The following ATAD5 variants were observed in gnomAD, a reference collection of about 807,000 sequenced individuals.
ATAD5 encodes the protein ATPase family AAA domain containing 5, also known as ATPase family AAA domain-containing protein 5.
In ATAD5, 58 loss-of-function variants were observed where a neutral mutation model predicts 176.9. The observed-to-expected ratio is 0.33, with a 90% CI of 0.27 to 0.41. The LOEUF is 0.41. ATAD5 is among the 10% of genes least tolerant of loss of function. ATAD5 has a pLI of 1.00. For missense variants in ATAD5, 1,789 were observed against 2,094.1 expected, an observed-to-expected ratio of 0.85 and a Z score of 2.84; for synonymous variants, 640 against 712.6, an observed-to-expected ratio of 0.90 and a Z score of 1.62.
intron 9 of ATAD5, among the ~76,000 whole-genome samples, chr17:30,859,548 A>G (rs1257881308): frequency 6.6e-6 from 1 of 151,642 alleles, no homozygotes; most frequent in Non-Finnish European, 1.5e-5. Flanking sequence ...TTTAGTAGAG[A>G]TGGGGTTTCA....
chr17:30,837,332 G>C lies in ATAD5; in HGVS notation c.2076+18G>C. The stretch of plus-strand genomic sequence containing the variant: ...TTAGAAAGGTAATTAAAATATTAGA[G>C]AGTCCTATAAGTGCCATTCTGTTTC... On this transcript the variant is annotated intron_variant, in intron 3 of 22. Coordinates refer to ENST00000321990, the MANE Select transcript of ATAD5 (RefSeq NM_024857.5). 1 of 1,472,044 alleles carries C rather than the reference G, an allele frequency of 6.8e-7. No homozygotes were observed. Among genetic ancestry groups the C allele is most frequent in the Non-Finnish European group, 9.3e-7 (1 of 1,079,640 alleles). The allele number at this position is 1,472,044 out of a possible 1,614,324, so 91.2% of individuals were successfully genotyped here. A position where few individuals can be genotyped will look rare whatever the true frequency, so the allele number is the denominator to read the frequency against.
chr17:30,882,740 T>C (rs544195191), intron 18 of ATAD5, among the ~76,000 whole-genome samples: 17 of 152,358 alleles, frequency 1.1e-4, no homozygotes, highest in South Asian at 6.2e-4. Context: ...AATGAAGCTA[T>C]TGAGCTTTTA....
At chr17:30,844,364 C>T (rs1906339606) in intron 5 of ATAD5, among the ~76,000 whole-genome samples, 1 of 152,142 alleles carries the variant, frequency 6.6e-6, no homozygotes, top group East Asian at 1.9e-4. Flanking sequence ...AACTCCTGAC[C>T]TTGTGATCTG....
intron 17 of ATAD5, among the ~76,000 whole-genome samples, chr17:30,878,344 C>T (rs1479928295): frequency 2.0e-5 from 3 of 151,978 alleles, no homozygotes; most frequent in Admixed American, 1.3e-4. Context: ...CCTTATCATA[C>T]CTATAATCAG....
intron 11 of ATAD5, among the ~76,000 whole-genome samples, chr17:30,866,858 G>C (rs1908019897): frequency 6.6e-6 from 1 of 152,036 alleles, no homozygotes; most frequent in Middle Eastern, 3.2e-3. Context: ...AAATGATTAT[G>C]GGTGTACTGC....
intron 18 of ATAD5, among the ~76,000 whole-genome samples, chr17:30,885,207 G>T (rs1017292702): frequency 1.2e-4 from 18 of 152,110 alleles, no homozygotes; most frequent in African/African-American, 4.1e-4. Flanking sequence ...ATTAGAAACA[G>T]GGTCTCTCTG....
intron 6 of ATAD5, among the ~76,000 whole-genome samples, chr17:30,847,472 A>G (rs2142335263): frequency 6.6e-6 from 1 of 151,916 alleles, no homozygotes; most frequent in African/African-American, 2.4e-5. Context: ...CTGGGATTAC[A>G]GGCATCCGCC....
chr17:30,839,987 T>G (rs925600283), intron 3 of ATAD5, among the ~76,000 whole-genome samples: 6 of 151,916 alleles, frequency 3.9e-5, no homozygotes, highest in Non-Finnish European at 7.4e-5. Flanking sequence ...TCACCTGAGG[T>G]CAGGAGTTTG....
intron 6 of ATAD5, 142 bp from the exon 7 acceptor site, chr17:30,855,001 C>T (rs571598061): frequency 3.2e-5 from 23 of 711,890 alleles, no homozygotes; most frequent in Admixed American, 7.0e-5. Flanking sequence ...TTAAGTGATC[C>T]GCCCACCTCT....
In ATAD5 at chr17:30,893,903, G is replaced by A; in HGVS notation, c.5050G>A (p.Val1684Ile). Residue 1684 changes from valine to isoleucine, a missense_variant, in exon 21 of 23, where the codon GTT (valine) becomes ATT (isoleucine). Physicochemically the swap from Val to Ile is conservative, Grantham distance 29 (BLOSUM62 3). Coordinates refer to ENST00000321990, the MANE Select transcript of ATAD5 (RefSeq NM_024857.5). ...RNDFSWTNGK[V>I]TSGLCDEFSL... ...TGACTTTAGTTGGACAAATGGAAAG[G>A]TTACAAGTGGACTTTGTGATGAGTT... 3.7e-6 allele frequency: 6 copies of A among 1,614,032 alleles called. No homozygotes were observed. The highest frequency in any genetic ancestry group is 5.1e-6 in the Non-Finnish European group (6 of 1,179,940).
At chr17:30,848,972 G>A (rs1906703922) in intron 6 of ATAD5, among the ~76,000 whole-genome samples, 1 of 152,162 alleles carries the variant, frequency 6.6e-6, no homozygotes, top group South Asian at 2.1e-4. Flanking sequence ...CCGGGTTCAA[G>A]TGATTCTTGT....
At chr17:30,892,327 A>G (rs1346851980) in intron 19 of ATAD5, among the ~76,000 whole-genome samples, 2 of 151,550 alleles carry the variant, frequency 1.3e-5, no homozygotes, top group African/African-American at 4.8e-5. Context: ...CGGGAGGCTG[A>G]GGCAGGAAAA....
intron 4 of ATAD5, among the ~76,000 whole-genome samples, chr17:30,841,573 G>A (rs762866844): frequency 1.1e-4 from 17 of 151,918 alleles, no homozygotes; most frequent in African/African-American, 1.9e-4. Flanking sequence ...ATCCATTACC[G>A]TAGTCAATTT....
At chr17:30,842,805 G>A (rs1212265297) in intron 4 of ATAD5, among the ~76,000 whole-genome samples, 8 of 152,048 alleles carry the variant, frequency 5.3e-5, no homozygotes, top group Admixed American at 3.9e-4. Context: ...AGTTAATGGC[G>A]CGATCTCAGC....
chr17:30,875,625 A>G (rs188231829), intron 14 of ATAD5, among the ~76,000 whole-genome samples: 2 of 151,898 alleles, frequency 1.3e-5, no homozygotes, highest in Non-Finnish European at 2.9e-5. Context: ...GGCAAAACCC[A>G]TCTCTACTAA....
At chr17:30,861,752 T>A (rs903085395) in intron 10 of ATAD5, 1 of 151,940 alleles carries the variant, frequency 6.6e-6, no homozygotes, top group South Asian at 2.1e-4. Context: ...CCTCAAATGA[T>A]CTGCCCACTT....
intron 6 of ATAD5, among the ~76,000 whole-genome samples, chr17:30,845,786 A>G (rs1906459960): frequency 6.6e-6 from 1 of 152,164 alleles, no homozygotes; most frequent in Non-Finnish European, 1.5e-5. Context: ...TTGTGAGATG[A>G]TGGAGGTAAG....
At chr17:30,888,541 C>G (rs1309340065) in intron 19 of ATAD5, among the ~76,000 whole-genome samples, 1 of 151,750 alleles carries the variant, frequency 6.6e-6, no homozygotes, top group East Asian at 1.9e-4. Context: ...GAGACTCTGA[C>G]TAAAAAAAAA....
intron 14 of ATAD5, among the ~76,000 whole-genome samples, chr17:30,872,840 G>A (rs1461225985): frequency 6.6e-6 from 1 of 152,146 alleles, no homozygotes; most frequent in Non-Finnish European, 1.5e-5. Flanking sequence ...ACAGGCATGA[G>A]CTACTGCACC....
Sources: gnomAD v4.1 joint callset for allele counts (sites outside exome capture counted in the v4.1 genomes callset) on GRCh38, gnomAD v4.1.1 for gene constraint, MANE v1.5 for transcripts, NCBI Gene and HGNC (gene_info 2026-07-23, HGNC 2026-07-21) for gene names.